Variants in CAMK2A observed in about 807,000 individuals in gnomAD.
The protein encoded by CAMK2A is calcium/calmodulin dependent protein kinase II alpha.
CAMK2A carries 7 observed loss-of-function variants against 79.2 expected under a neutral mutation model. The observed-to-expected ratio is 0.09, with a 90% confidence interval of 0.05 to 0.17. The LOEUF is 0.17. Ranked by LOEUF, CAMK2A falls within the 10% of genes least tolerant of loss-of-function variation. The pLI is 1.00. For synonymous variants in CAMK2A, 242 were observed against 251.7 expected (o/e 0.96, Z 0.36); for missense variants, 214 against 646.4 (o/e 0.33, Z 7.25).
intron 3 of CAMK2A, among the ~76,000 whole-genome samples, chr5:150,261,903 C>T (rs1562178892): frequency 3.3e-5 from 5 of 152,318 alleles, no homozygotes; most frequent in Admixed American, 2.0e-4. Context: ...AGGAAGAGTT[C>T]GATAAATGGA....
intron 15 of CAMK2A, among the ~76,000 whole-genome samples, chr5:150,234,884 C>A (rs1754997084): frequency 6.6e-6 from 1 of 152,172 alleles, no homozygotes; most frequent in Non-Finnish European, 1.5e-5. Context: ...AGATACAGTT[C>A]TTGTCTTCTT....
chr5:150,224,234 C>T (rs1396117446), intron 17 of CAMK2A, among the ~76,000 whole-genome samples: 6 of 152,144 alleles, frequency 3.9e-5, no homozygotes, highest in African/African-American at 1.4e-4. Flanking sequence ...AGACAATGAC[C>T]CAGGGAGGGG....
chr5:150,252,014 G>A lies in CAMK2A; in HGVS notation c.566C>T (p.Pro189Leu). 5 of 1,613,944 alleles carry A rather than the reference G, an allele frequency of 3.1e-6. No individual in the cohort carries two copies. The highest frequency in any genetic ancestry group is 1.7e-4 in the Middle Eastern group (1 of 6,060). Residue 189 changes from proline (P) to leucine (L), a missense_variant, in exon 8 of 19, where the codon CCG becomes CTG. By Grantham distance (98) the Pro-to-Leu change is moderately conservative. Coordinates refer to ENST00000671881, the MANE Select transcript of CAMK2A (RefSeq NM_015981.4). ...CCACAGGTCCACAGGCTTCCCGTAC[G>A]GGTCCTTCCGCAGCACTTCTGGGGA... ...YLSPEVLRKD[P>L]YGKPVDLWAC...
At chr5:150,265,286 A>C in intron 2 of CAMK2A, 1 of 442,904 alleles carries the variant, frequency 2.3e-6, no homozygotes, top group Non-Finnish European at 4.2e-6. Flanking sequence ...CTTCTCCGAG[A>C]CTCCTCCAGG....
intron 12 of CAMK2A, 137 bp from the exon 13 acceptor site, chr5:150,245,338 GCCT>G (rs34649296): frequency 0.046 from 28,178 of 609,058 alleles, 646 homozygotes; most frequent in African/African-American, 0.16. Flanking sequence ...CCTGGGGGAG[GCCT>G]CCTCCTCCTC....
intron 1 of CAMK2A, among the ~76,000 whole-genome samples, chr5:150,282,394 A>G (rs564866981): frequency 1.5e-4 from 23 of 152,300 alleles, no homozygotes; most frequent in African/African-American, 5.3e-4. Context: ...AAAATATTCT[A>G]TTTTCTCTTT....
chr5:150,243,283 T>C (rs1755428477), intron 13 of CAMK2A, among the ~76,000 whole-genome samples: 1 of 152,168 alleles, frequency 6.6e-6, no homozygotes, highest in African/African-American at 2.4e-5. Context: ...AACCCACCGG[T>C]GTCTCTGGTC....
chr5:150,247,200 G>A (rs1755609203), intron 12 of CAMK2A, among the ~76,000 whole-genome samples: 1 of 152,260 alleles, frequency 6.6e-6, no homozygotes, highest in Non-Finnish European at 1.5e-5. Flanking sequence ...TCCAGTTAAA[G>A]GCACTTGCCC....
intron 1 of CAMK2A, among the ~76,000 whole-genome samples, chr5:150,277,419 C>T (rs941675906): frequency 6.6e-6 from 1 of 152,182 alleles, no homozygotes; most frequent in Non-Finnish European, 1.5e-5. Context: ...TGGGGGCCAG[C>T]GAGGGGGGCT....
Position 150,223,670 on chromosome 5 carries a change from G to C in CAMK2A, c.1238-453C>G, listed in dbSNP as rs1754460862. On this transcript the variant is annotated intron_variant, in intron 17 of 18. Transcript: ENST00000671881. The surrounding 1 kb of genome is among the most constrained non-coding windows in gnomAD (Gnocchi z 4.1). ...TCAGGGAGGCGATAGGGAGTGATGG[G>C]GACTGTGGCGAATAGAATGTCTTGT... Among the ~76,000 whole-genome samples, 1 of 152,132 alleles carries C rather than the reference G, an allele frequency of 6.6e-6. No individual in the cohort carries two copies. The highest frequency in any genetic ancestry group is 1.5e-5 in the Non-Finnish European group (1 of 68,018).
At chr5:150,259,402 G>A (rs946201171) in intron 3 of CAMK2A, among the ~76,000 whole-genome samples, 11 of 151,600 alleles carry the variant, frequency 7.3e-5, no homozygotes, top group Middle Eastern at 3.4e-3. Flanking sequence ...GGCATTTGTC[G>A]TCCCAGCTAT....
chr5:150,235,133 G>T lies in CAMK2A; in HGVS notation c.1066+3567C>A, dbSNP rs369426088. On this transcript the variant is annotated intron_variant, in intron 15 of 18. Transcript: ENST00000671881. ...ACTCTCTATCCCCTCCCCAATTCTGGATATTATACCTCTATTAATGTAGCC... is the reference window on the plus strand; with the variant it reads ...ACTCTCTATCCCCTCCCCAATTCTGTATATTATACCTCTATTAATGTAGCC... Among the ~76,000 whole-genome samples, 43 of 152,248 alleles carry T rather than the reference G, an allele frequency of 2.8e-4. 2 individuals carry two copies. The South Asian group carries it at 3.5e-3, about 13-fold the overall frequency.
intron 11 of CAMK2A, among the ~76,000 whole-genome samples, chr5:150,248,730 G>A (rs910893122): frequency 2.6e-5 from 4 of 151,888 alleles, no homozygotes; most frequent in South Asian, 2.1e-4. Context: ...TAATCCAGTC[G>A]ATCATTGTTG....
chr5:150,266,416 T>C (rs1756515919), intron 2 of CAMK2A, among the ~76,000 whole-genome samples: 1 of 152,202 alleles, frequency 6.6e-6, no homozygotes, highest in African/African-American at 2.4e-5. Context: ...GGTGCTTTTT[T>C]CACAATTTGG....
chr5:150,286,739 C>T (rs1280863039), intron 1 of CAMK2A, among the ~76,000 whole-genome samples: 1 of 152,172 alleles, frequency 6.6e-6, no homozygotes. Context: ...ACAGAAGAGG[C>T]CAGCCAGGGG....
intron 6 of CAMK2A, among the ~76,000 whole-genome samples, chr5:150,253,780 GCCACTCCTCCCTCC>G (rs1346098488): frequency 6.6e-6 from 1 of 152,168 alleles, no homozygotes; most frequent in Non-Finnish European, 1.5e-5. Context: ...TTCTCCATCA[GCCACTCCTCCCTCC>G]CCACTTCAAG....
chr5:150,275,994 T>C (rs542518279), intron 1 of CAMK2A, among the ~76,000 whole-genome samples: 6 of 152,176 alleles, frequency 3.9e-5, no homozygotes, highest in Non-Finnish European at 7.4e-5. Context: ...TGTGACCAGC[T>C]CCCATACAGG....
chr5:150,261,530 G>A (rs762669873), intron 3 of CAMK2A, among the ~76,000 whole-genome samples: 10 of 152,204 alleles, frequency 6.6e-5, no homozygotes, highest in Non-Finnish European at 8.8e-5. Context: ...AAACAAATCT[G>A]TAACCTAGCT....
intron 1 of CAMK2A, among the ~76,000 whole-genome samples, chr5:150,277,051 G>A (rs574352478): frequency 9.2e-5 from 14 of 152,200 alleles, no homozygotes; most frequent in South Asian, 2.1e-4. Context: ...GCAACATGGC[G>A]AAACCCCATC....
Sources: allele counts gnomAD v4.1 joint callset (sites outside exome capture counted in the v4.1 genomes callset), GRCh38; gene constraint gnomAD v4.1.1; non-coding constraint Gnocchi (gnomAD v3.1); transcripts MANE v1.5; gene names NCBI Gene and HGNC (gene_info 2026-07-23, HGNC 2026-07-21).